DNAJC11: variants seen among roughly 807,000 people sequenced by gnomAD.
The protein encoded by DNAJC11 is DnaJ heat shock protein family (Hsp40) member C11, also known as dnaJ homolog subfamily C member 11.
Under a neutral mutation model 78.6 loss-of-function variants are expected in DNAJC11, and 15 were observed. The ratio of observed to expected loss-of-function variants is 0.19; its 90% CI spans 0.13 to 0.29. The LOEUF (loss-of-function observed/expected upper bound fraction) is 0.29. Among genes scored for constraint, DNAJC11 ranks in the 10% least tolerant of loss-of-function variants. DNAJC11 has a pLI of 1.00. For synonymous variants in DNAJC11, 292 were observed against 272.1 expected, an observed-to-expected ratio of 1.07 and a Z score of -0.72; for missense variants, 547 against 709.6, an observed-to-expected ratio of 0.77 and a Z score of 2.60.
chr1:6,649,429 A>G (rs1223145150), intron 7 of DNAJC11, among the ~76,000 whole-genome samples: 3 of 152,060 alleles, frequency 2.0e-5, no homozygotes, highest in African/African-American at 7.2e-5. Context: ...TCGGCCTCCT[A>G]AAGTGCTGGG....
At chr1:6,651,289 G>C in intron 7 of DNAJC11, 1 of 662,946 alleles carries the variant, frequency 1.5e-6, no homozygotes, top group Non-Finnish European at 2.8e-6. Context: ...AGGGAGGTGC[G>C]AGACCTGGAT....
intron 4 of DNAJC11, among the ~76,000 whole-genome samples, chr1:6,659,582 A>T (rs1642177769): frequency 6.6e-6 from 1 of 151,868 alleles, no homozygotes. Flanking sequence ...CAATATAGTA[A>T]AACCTCGTCT....
intron 3 of DNAJC11, among the ~76,000 whole-genome samples, chr1:6,674,923 A>G (rs1315620047): frequency 6.6e-6 from 1 of 152,194 alleles, no homozygotes; most frequent in East Asian, 1.9e-4. Context: ...CCCATATGGT[A>G]GCCTAATAAA....
Position 6,678,379 on chromosome 1 carries a change from C to T in DNAJC11, c.276+15G>A, listed in dbSNP as rs199829154. On this transcript the variant is annotated intron_variant, in intron 3 of 15. Transcript: ENST00000377577. ...AATGACTTTTCTGGAACACCAGACG[C>T]ACAGTTTCTCTTACCTCCCATCCTT... is the stretch of plus-strand genomic sequence containing the variant. 6.2e-7 allele frequency: 1 copy of T among 1,611,956 alleles called. No individual in the cohort carries two copies. The highest frequency in any genetic ancestry group is 1.7e-5 in the Admixed American group (1 of 60,004).
Position 6,634,903 on chromosome 1 carries a change from AGGTGGGTGGTGCAGGC to A in DNAJC11, c.*756_*771del. 1 of 1,182,968 alleles carries A rather than the reference AGGTGGGTGGTGCAGGC, an allele frequency of 8.5e-7. No individual in the cohort carries two copies. Among genetic ancestry groups the A allele is most frequent in the Non-Finnish European group, 1.1e-6 (1 of 931,804 alleles). The allele number at this position is 1,182,968 out of a possible 1,614,324, so 73.3% of individuals were successfully genotyped here. A position where few individuals can be genotyped will look rare whatever the true frequency, so the allele number is the denominator to read the frequency against. Reference sequence around the variant, plus strand: ...GCCCTTGCCCAGCACTGCACTCTGGAGGTGGGTGGTGCAGGCGGTGGAGGGACACAGGCCAGCTCAA... The same window carrying A: ...GCCCTTGCCCAGCACTGCACTCTGGAGGTGGAGGGACACAGGCCAGCTCAA... On this transcript the variant is annotated 3_prime_UTR_variant, in exon 16 of 16. Transcript: ENST00000377577.
Position 6,645,763 on chromosome 1 carries a change from C to A in DNAJC11, c.894+26G>T, listed in dbSNP as rs746040731. The A allele has an allele frequency of 6.2e-7, 1 of 1,610,898 alleles. No homozygotes were observed. On this transcript the variant is annotated intron_variant, in intron 8 of 15. Transcript: ENST00000377577. The surrounding 1 kb of genome is among the most constrained non-coding windows in gnomAD (Gnocchi z 4.1). ...AGGGGTCCTCCCAGAGCTCTGTCTG[C>A]AGGAGATGATGGCTGCTCGGCTCAC...
Position 6,645,020 on chromosome 1 carries a change from T to C in DNAJC11, c.980+21A>G. 1.2e-6 allele frequency: 2 copies of C among 1,611,378 alleles called. No homozygotes were observed. The highest frequency in any genetic ancestry group is 4.5e-5 in the East Asian group (2 of 44,850). ...GCATGCAGTACCAGTGTGCTTCCATTTTAGCCAGGCCAGGACTTACTTGAG... is the reference window on the plus strand; with the variant it reads ...GCATGCAGTACCAGTGTGCTTCCATCTTAGCCAGGCCAGGACTTACTTGAG... On this transcript the variant is annotated intron_variant, in intron 9 of 15. Transcript: ENST00000377577. The surrounding 1 kb of genome is among the most constrained non-coding windows in gnomAD (Gnocchi z 4.1).
At chr1:6,638,945 A>G (rs1641830420) in intron 11 of DNAJC11, among the ~76,000 whole-genome samples, 1 of 152,224 alleles carries the variant, frequency 6.6e-6, no homozygotes, top group South Asian at 2.1e-4. Context: ...GGGCCAGCAC[A>G]TGTCTTGTTC....
intron 3 of DNAJC11, among the ~76,000 whole-genome samples, chr1:6,674,855 A>C (rs879129103): frequency 1.3e-5 from 2 of 152,202 alleles, no homozygotes; most frequent in African/African-American, 4.8e-5. Flanking sequence ...CTTTGGATTA[A>C]AGGCGTCTCA....
chr1:6,663,684 C>T lies in DNAJC11; in HGVS notation c.378+4025G>A, dbSNP rs371338657. 1.1e-3 allele frequency among the ~76,000 whole-genome samples: 165 copies of T among 152,294 alleles called. 2 individuals are homozygous for T. In the Middle Eastern group the frequency reaches 0.02, roughly 19 times the overall value. ...TCCTGCCCAGCCACCAATTCTCTCC[C>T]TGACGCCAGTTCAATGTGGAGGGCC... On this transcript the variant is annotated intron_variant, in intron 4 of 15. Coordinates refer to ENST00000377577, the MANE Select transcript of DNAJC11 (RefSeq NM_018198.4).
chr1:6,667,557 T>C (rs1158277663), intron 4 of DNAJC11, 152 bp downstream of exon 4: 1 of 657,382 alleles, frequency 1.5e-6, no homozygotes, highest in African/African-American at 1.8e-5. Context: ...TCCAGAAAGA[T>C]ACAACTTTGA....
At chr1:6,636,309 C>G in intron 14 of DNAJC11, 63 bp from the exon 15 acceptor site, 2 of 1,595,064 alleles carry the variant, frequency 1.3e-6, no homozygotes, top group Non-Finnish European at 1.7e-6. Context: ...CTCCTCCTCA[C>G]TACCACCGGA....
intron 4 of DNAJC11, among the ~76,000 whole-genome samples, chr1:6,658,523 TG>T (rs1642163590): frequency 6.6e-6 from 1 of 152,122 alleles, no homozygotes; most frequent in African/African-American, 2.4e-5. Flanking sequence ...CTCCAAGAGC[TG>T]GGAGTGGCTG....
intron 10 of DNAJC11, among the ~76,000 whole-genome samples, chr1:6,644,091 C>T (rs960256323): frequency 2.0e-5 from 3 of 151,970 alleles, no homozygotes; most frequent in Admixed American, 1.3e-4. Context: ...AGGATGGTCT[C>T]GATCTCCTGA....
intron 12 of DNAJC11, 58 bp from the exon 13 acceptor site, chr1:6,637,562 T>C: frequency 6.3e-7 from 1 of 1,593,632 alleles, no homozygotes; most frequent in Non-Finnish European, 8.6e-7. Flanking sequence ...CCACCTCTGG[T>C]GAGAGGGCCA....
Position 6,634,888 on chromosome 1 carries a change from A to T in DNAJC11, c.*787T>A. 1.7e-6 allele frequency: 2 copies of T among 1,197,172 alleles called. No individual in the cohort carries two copies. The highest frequency in any genetic ancestry group is 3.0e-5 in the South Asian group (2 of 66,350). 74.2% of individuals were successfully genotyped at this position (1,197,172 alleles called of 1,614,324 possible). ...CTGTCCTCTTGAGCTGCCCTTGCCCAGCACTGCACTCTGGAGGTGGGTGGT... is the reference window on the plus strand; with the variant it reads ...CTGTCCTCTTGAGCTGCCCTTGCCCTGCACTGCACTCTGGAGGTGGGTGGT... On this transcript the variant is annotated 3_prime_UTR_variant, in exon 16 of 16. Coordinates refer to ENST00000377577, the MANE Select transcript of DNAJC11 (RefSeq NM_018198.4).
In DNAJC11 at chr1:6,653,731, C is replaced by A; in HGVS notation, c.507+180G>T. ...CCCACACTCCTGCTGGCTCACATGC[C>A]AGCACAGCGGTAACACACGGCTGGG... is the stretch of plus-strand genomic sequence containing the variant. On this transcript the variant is annotated intron_variant, in intron 5 of 15. Coordinates refer to ENST00000377577, the MANE Select transcript of DNAJC11 (RefSeq NM_018198.4). The surrounding 1 kb of genome is among the most constrained non-coding windows in gnomAD (Gnocchi z 4.5). 1 of 773,318 alleles carries A rather than the reference C, an allele frequency of 1.3e-6. No homozygotes were observed. Among genetic ancestry groups the A allele is most frequent in the Non-Finnish European group, 1.9e-6 (1 of 519,832 alleles). The allele number at this position is 773,318 out of a possible 1,614,324, so 47.9% of individuals were successfully genotyped here. A position where few individuals can be genotyped will look rare whatever the true frequency, so the allele number is the denominator to read the frequency against.
chr1:6,634,393 C>A lies in DNAJC11; in HGVS notation c.*1282G>T. The A allele has an allele frequency of 8.2e-7, 1 of 1,217,818 alleles. No individual in the cohort carries two copies. The highest frequency in any genetic ancestry group is 1.1e-6 in the Non-Finnish European group (1 of 939,798). The allele number at this position is 1,217,818 out of a possible 1,614,324, so 75.4% of individuals were successfully genotyped here. A position where few individuals can be genotyped will look rare whatever the true frequency, so the allele number is the denominator to read the frequency against. On this transcript the variant is annotated 3_prime_UTR_variant, in exon 16 of 16. Transcript: ENST00000377577. ...TTACAGAATTGGACAACCCGAACTGCTTTTCAAAACCAGAGGAAGGAGGTT... is the reference window on the plus strand; with the variant it reads ...TTACAGAATTGGACAACCCGAACTGATTTTCAAAACCAGAGGAAGGAGGTT...
intron 1 of DNAJC11, among the ~76,000 whole-genome samples, chr1:6,682,163 CA>C (rs60985504): frequency 1.6e-4 from 15 of 94,072 alleles, no homozygotes; most frequent in East Asian, 9.7e-4. Flanking sequence ...ACCATAATTA[CA>C]AAAAAAAAAA....
Sources: gnomAD v4.1 joint callset for allele counts (sites outside exome capture counted in the v4.1 genomes callset) on GRCh38, gnomAD v4.1.1 for gene constraint, Gnocchi (gnomAD v3.1) non-coding constraint, MANE v1.5 for transcripts, NCBI Gene and HGNC (gene_info 2026-07-23, HGNC 2026-07-21) for gene names.